TAFA1: variants seen among roughly 807,000 people sequenced by gnomAD.
TAFA1 encodes TAFA chemokine like family member 1.
Under a neutral mutation model 18.5 loss-of-function variants are expected in TAFA1, and 4 were observed. That is an observed-to-expected ratio of 0.22 (90% confidence interval 0.11 to 0.49). The LOEUF (loss-of-function observed/expected upper bound fraction) is 0.49, where lower values mean the gene tolerates loss of function less well. Among genes scored for constraint, TAFA1 ranks in the 20% least tolerant of loss-of-function variants. TAFA1 has a pLI of 0.98. For missense variants in TAFA1, 147 were observed against 169.0 expected (o/e 0.87, Z 0.72); for synonymous variants, 56 against 55.2 (o/e 1.01, Z -0.06).
At chr3:68,208,738 A>C (rs1393697928) in intron 2 of TAFA1, among the ~76,000 whole-genome samples, 1 of 151,996 alleles carries the variant, frequency 6.6e-6, no homozygotes, top group Admixed American at 6.6e-5. Flanking sequence ...GGTTGTTTGC[A>C]TATGCCTGTA....
At chr3:68,230,788 T>G (rs1200268762) in intron 2 of TAFA1, among the ~76,000 whole-genome samples, 58 of 152,348 alleles carry the variant, frequency 3.8e-4, no homozygotes, top group Non-Finnish European at 1.5e-5. Flanking sequence ...CATCTGTTAT[T>G]TATTGTCTTT....
chr3:68,108,394 T>C lies in TAFA1; in HGVS notation c.118+101650T>C, dbSNP rs78080988. 4.2e-3 allele frequency among the ~76,000 whole-genome samples: 644 copies of C among 152,164 alleles called. 10 individuals are homozygous for C. In the East Asian group the frequency reaches 0.052, roughly 12 times the overall value. ...TAACTTTTCTCTATGAAATATTCAA[T>C]GTAATAAAGCCAAGATAGTAGGAAA... On this transcript the variant is annotated intron_variant, in intron 2 of 4. Transcript: ENST00000478136.
intron 2 of TAFA1, among the ~76,000 whole-genome samples, chr3:68,385,968 A>T (rs1253897250): frequency 6.6e-6 from 1 of 152,046 alleles, no homozygotes; most frequent in Non-Finnish European, 1.5e-5. Flanking sequence ...CTGAAACTGT[A>T]TAATATATTA....
intron 3 of TAFA1, among the ~76,000 whole-genome samples, chr3:68,537,803 A>G (rs1323557290): frequency 6.6e-6 from 1 of 152,220 alleles, no homozygotes; most frequent in Non-Finnish European, 1.5e-5. Context: ...GCATAAAAAC[A>G]AAAAGATTGT....
At chr3:68,432,399 C>A (rs773105475) in intron 3 of TAFA1, among the ~76,000 whole-genome samples, 3 of 151,898 alleles carry the variant, frequency 2.0e-5, no homozygotes, top group Non-Finnish European at 4.4e-5. Context: ...ATTGTGAGCC[C>A]TCAATTATAT....
At chr3:68,486,719 A>G (rs1473862340) in intron 3 of TAFA1, among the ~76,000 whole-genome samples, 2 of 152,212 alleles carry the variant, frequency 1.3e-5, no homozygotes, top group Non-Finnish European at 1.5e-5. Context: ...TGATGGTGTC[A>G]ATGCAGCATT....
In TAFA1 at chr3:68,203,716, T is replaced by C. The variant is rs187310875; in HGVS notation, c.118+196972T>C. ...CATGCAAAACTTGAGCTGACTGAAGTTGGGTACTGTCCTTTCCCCATGCCA... is the reference window on the plus strand; with the variant it reads ...CATGCAAAACTTGAGCTGACTGAAGCTGGGTACTGTCCTTTCCCCATGCCA... On this transcript the variant is annotated intron_variant, in intron 2 of 4. Coordinates refer to ENST00000478136, the MANE Select transcript of TAFA1 (RefSeq NM_213609.4). Among the ~76,000 whole-genome samples, 552 of 151,774 alleles carry C rather than the reference T, an allele frequency of 3.6e-3. 3 individuals carry two copies. Among genetic ancestry groups the C allele is most frequent in the Admixed American group, 5.8e-3 (89 of 15,218 alleles).
intron 3 of TAFA1, among the ~76,000 whole-genome samples, chr3:68,505,895 T>C (rs930714661): frequency 7.3e-6 from 1 of 136,328 alleles, no homozygotes; most frequent in Non-Finnish European, 1.6e-5. Flanking sequence ...TTTTTTTTTT[T>C]ATTATTATTA....
chr3:68,084,720 G>C (rs1350383034), intron 2 of TAFA1, among the ~76,000 whole-genome samples: 1 of 151,592 alleles, frequency 6.6e-6, no homozygotes, highest in Non-Finnish European at 1.5e-5. Context: ...ATCGCTTGAA[G>C]CCGGGAGGCG....
At chr3:68,292,403 G>A (rs1231938713) in intron 2 of TAFA1, among the ~76,000 whole-genome samples, 4 of 130,178 alleles carry the variant, frequency 3.1e-5, no homozygotes, top group Non-Finnish European at 6.3e-5. Context: ...AACAGAGTGA[G>A]ACTCTGTCAA....
At chr3:68,220,957 A>G (rs975339862) in intron 2 of TAFA1, among the ~76,000 whole-genome samples, 1 of 152,120 alleles carries the variant, frequency 6.6e-6, no homozygotes, top group Non-Finnish European at 1.5e-5. Context: ...ACCTGGCTGA[A>G]CTGGGTTGCT....
chr3:68,092,130 C>T (rs979701879), intron 2 of TAFA1, among the ~76,000 whole-genome samples: 1 of 152,158 alleles, frequency 6.6e-6, no homozygotes, highest in African/African-American at 2.4e-5. Flanking sequence ...ATGGCATCAG[C>T]TCTCCCTCAT....
At chr3:68,303,574 G>T (rs934347817) in intron 2 of TAFA1, among the ~76,000 whole-genome samples, 2 of 151,784 alleles carry the variant, frequency 1.3e-5, no homozygotes, top group Non-Finnish European at 2.9e-5. Context: ...TCAGCCTCCC[G>T]AGTAGCTGAA....
chr3:68,076,302 T>A (rs2064823099), intron 2 of TAFA1, among the ~76,000 whole-genome samples: 1 of 151,584 alleles, frequency 6.6e-6, no homozygotes, highest in African/African-American at 2.4e-5. Context: ...TGAATGTTTG[T>A]TTGTTTGTTT....
chr3:68,369,855 C>T (rs2069645187), intron 2 of TAFA1, among the ~76,000 whole-genome samples: 1 of 152,166 alleles, frequency 6.6e-6, no homozygotes, highest in Non-Finnish European at 1.5e-5. Context: ...GCAAGTGCCA[C>T]ACCTTCAAAA....
At chr3:68,380,874 G>C (rs1235160117) in intron 2 of TAFA1, among the ~76,000 whole-genome samples, 6 of 149,644 alleles carry the variant, frequency 4.0e-5, no homozygotes, top group Non-Finnish European at 7.4e-5. Flanking sequence ...TATTGCCTAG[G>C]TTTTCTTCTA....
At chr3:68,300,691 TC>T (rs2068288346) in intron 2 of TAFA1, among the ~76,000 whole-genome samples, 1 of 152,166 alleles carries the variant, frequency 6.6e-6, no homozygotes, top group East Asian at 1.9e-4. Context: ...ATCCCCATAA[TC>T]ATCACGTGTC....
At chr3:68,003,765 T>C (rs1412445286), upstream of TAFA1, among the ~76,000 whole-genome samples, 1 of 152,220 alleles carries the variant, frequency 6.6e-6, no homozygotes, top group East Asian at 1.9e-4. Context: ...GAAAATAACA[T>C]ATTTTTATTT....
chr3:68,083,691 G>T (rs2064933262), intron 2 of TAFA1, among the ~76,000 whole-genome samples: 1 of 152,184 alleles, frequency 6.6e-6, no homozygotes, highest in East Asian at 1.9e-4. Flanking sequence ...GATCTTGTAT[G>T]CTCTGGCAAT....
Sources: allele counts gnomAD v4.1 joint callset (sites outside exome capture counted in the v4.1 genomes callset), GRCh38; gene constraint gnomAD v4.1.1; transcripts MANE v1.5; gene names NCBI Gene and HGNC (gene_info 2026-07-23, HGNC 2026-07-21).